Variants in LMOD3 observed in about 807,000 individuals in gnomAD.
The protein encoded by LMOD3 is leiomodin 3, also known as leiomodin-3.
Under a neutral mutation model 41.8 loss-of-function variants are expected in LMOD3, and 31 were observed. The ratio of observed to expected loss-of-function variants is 0.74; its 90% CI spans 0.56 to 1.00. The LOEUF (loss-of-function observed/expected upper bound fraction) is 1.00, where lower values mean the gene tolerates loss of function less well. LMOD3 is among the 50% of genes least tolerant of loss of function. The probability of loss-of-function intolerance (pLI) is 0.00; values close to 1 mark genes in which losing one functional copy is unlikely to be tolerated. For synonymous variants in LMOD3, 292 were observed against 241.9 expected (o/e 1.21, Z -1.92); for missense variants, 755 against 679.5 (o/e 1.11, Z -1.23).
chr3:69,116,966 C>T (rs1575876926), intron 2 of LMOD3, among the ~76,000 whole-genome samples: 2 of 152,310 alleles, frequency 1.3e-5, no homozygotes, highest in South Asian at 2.1e-4. Flanking sequence ...TTTCAGACTG[C>T]TCTTTTCTGA....
chr3:69,118,435 T>C (rs988152982), intron 2 of LMOD3, among the ~76,000 whole-genome samples: 8 of 152,150 alleles, frequency 5.3e-5, no homozygotes, highest in African/African-American at 1.7e-4. Flanking sequence ...ATATAACAAC[T>C]CCAGCCTATA....
Position 69,122,507 on chromosome 3 carries a change from TGA to T in LMOD3, c.-123_-122del. The T allele has an allele frequency of 1.3e-6, 1 of 758,102 alleles. No homozygotes were observed. The highest frequency in any genetic ancestry group is 2.0e-5 in the South Asian group (1 of 50,106). The allele number at this position is 758,102 out of a possible 1,614,324, so 47.0% of individuals were successfully genotyped here. On this transcript the variant is annotated 5_prime_UTR_variant, in exon 1 of 3. Transcript: ENST00000420581. ...CGAGTGTCCCAAGTTAACACACCCT[TGA>T]GATATTTTTTTTTTTTTCCCAGGAA...
In LMOD3 at chr3:69,122,134, G is replaced by T. The variant is rs80113271; in HGVS notation, c.253C>A (p.Leu85Met). 1.6e-3 allele frequency: 2,575 copies of T among 1,612,662 alleles called. 31 individuals are homozygous for T. In the African/African-American group the frequency reaches 0.031, roughly 19 times the overall value. The change falls in exon 1 of 3, where the codon CTG (leucine) becomes ATG (methionine). Residue 85 changes from leucine to methionine, a missense_variant. Coordinates refer to ENST00000420581, the MANE Select transcript of LMOD3 (RefSeq NM_198271.5). ...GTGACAGGAACTCGTTCCTCTTCCA[G>T]CATGCGCCTGGATGCCTTTTCCCAA... ...MYWEKASRRM[L>M]EEERVPVTFV...
At position 69,107,586 on chromosome 3, in the gene LMOD3, C is replaced by G. The variant is rs1336211065; in HGVS notation, c.*1509G>C. On this transcript the variant is annotated 3_prime_UTR_variant, in exon 3 of 3. Transcript: ENST00000420581. ...CTGCCTCCCCAGTTCAAGCAATTCT[C>G]CTGCCTCAGCCTCCCGAGTAGCTGG... 6.8e-6 allele frequency: 1 copy of G among 146,620 alleles called. No individual in the cohort carries two copies. The highest frequency in any genetic ancestry group is 7.0e-5 in the Admixed American group (1 of 14,186). 9.1% of individuals were successfully genotyped at this position (146,620 alleles called of 1,614,324 possible).
rs2092330289 is a variant in LMOD3, at chr3:69,107,824, A to G, written c.*1271T>C. The G allele has an allele frequency of 1.3e-5, 2 of 152,036 alleles. No homozygotes were observed. Among genetic ancestry groups the G allele is most frequent in the African/African-American group, 4.8e-5 (2 of 41,402 alleles). The allele number at this position is 152,036 out of a possible 1,614,324, so 9.4% of individuals were successfully genotyped here. A position where few individuals can be genotyped will look rare whatever the true frequency, so the allele number is the denominator to read the frequency against. On this transcript the variant is annotated 3_prime_UTR_variant, in exon 3 of 3. Transcript: ENST00000420581. ...TAGGGTTCACACTACTTCTATTATT[A>G]CAAAAATCTCAAATTCTATGCACCT...
At chr3:69,117,833 G>GTTTTT (rs374336943) in intron 2 of LMOD3, among the ~76,000 whole-genome samples, 56 of 132,142 alleles carry the variant, frequency 4.2e-4, no homozygotes, top group East Asian at 2.9e-3. Context: ...AATTTGGGTG[G>GTTTTT]TTTTTTTTTT....
rs185365776 is a variant in LMOD3 at position 69,108,287 on chromosome 3, C to T, written c.*808G>A. The T allele has an allele frequency of 1.3e-5, 2 of 152,112 alleles. No homozygotes were observed. The highest frequency in any genetic ancestry group is 1.3e-4 in the Admixed American group (2 of 15,270). 9.4% of individuals were successfully genotyped at this position (152,112 alleles called of 1,614,324 possible). A position where few individuals can be genotyped will look rare whatever the true frequency, so the allele number is the denominator to read the frequency against. On this transcript the variant is annotated 3_prime_UTR_variant, in exon 3 of 3. Coordinates refer to ENST00000420581, the MANE Select transcript of LMOD3 (RefSeq NM_198271.5). ...GCCAAAACCAAAAGCTTGTCAATAA[C>T]TATATTATGTAAAACTTCTTTTCTA...
chr3:69,112,006 A>T (rs1201475265), intron 2 of LMOD3, among the ~76,000 whole-genome samples: 1 of 152,260 alleles, frequency 6.6e-6, no homozygotes, highest in Non-Finnish European at 1.5e-5. Flanking sequence ...TTGCAAGAAA[A>T]GGCAGGCACA....
chr3:69,107,456 T>TC lies in LMOD3; in HGVS notation c.*1638_*1639insG, dbSNP rs2107518305. ...GAAGAGAGAAAAGGCACCAAAGGTT[T>TC]TTTTTTTTTTTTTTTTTTTTTTTTT... On this transcript the variant is annotated 3_prime_UTR_variant, in exon 3 of 3. Coordinates refer to ENST00000420581, the MANE Select transcript of LMOD3 (RefSeq NM_198271.5). 15 of 63,364 alleles carry TC rather than the reference T, an allele frequency of 2.4e-4. No homozygotes were observed. The highest frequency in any genetic ancestry group is 1.8e-3 in the African/African-American group (15 of 8,558). 3.9% of individuals were successfully genotyped at this position (63,364 alleles called of 1,614,324 possible). A position where few individuals can be genotyped will look rare whatever the true frequency, so the allele number is the denominator to read the frequency against.
In LMOD3 at chr3:69,109,120, A is replaced by G; in HGVS notation, c.1658T>C (p.Val553Ala). The G allele has an allele frequency of 6.2e-7, 1 of 1,602,504 alleles. No individual in the cohort carries two copies. The highest frequency in any genetic ancestry group is 8.5e-7 in the Non-Finnish European group (1 of 1,174,304). ...RHSSVAYLKP[V>A]QLPKELA is the part of the protein sequence containing the mutation. ...TTACGCCAGTTCTTTTGGCAGTTGCACCTGCGATTTAAGCATTTGAGGAAA... is the reference window on the plus strand; with the variant it reads ...TTACGCCAGTTCTTTTGGCAGTTGCGCCTGCGATTTAAGCATTTGAGGAAA... The change falls in exon 3 of 3, where the codon GTG (valine) becomes GCG (alanine). Residue 553 changes from valine to alanine, a missense_variant and splice_region_variant. Transcript: ENST00000420581.
At position 69,118,919 on chromosome 3, in the gene LMOD3, C is replaced by A. The variant is rs766641333; in HGVS notation, c.1436G>T (p.Arg479Met). Residue 479 changes from arginine to methionine, a missense_variant, in exon 2 of 3, where the codon AGG becomes ATG. Transcript: ENST00000420581. ...CACCCGGAAGGAGTCAGGGTCTGTC[C>A]TGTACTTCGGGGCCTGCGATGGCTT... ...MKKPSQAPKY[R>M]TDPDSFRVVK... 1 of 1,611,942 alleles carries A rather than the reference C, an allele frequency of 6.2e-7. No homozygotes were observed. The highest frequency in any genetic ancestry group is 1.1e-5 in the South Asian group (1 of 90,858).
At position 69,106,825 on chromosome 3, in the gene LMOD3, T is replaced by C. The variant is rs1379697877; in HGVS notation, c.*2270A>G. 6.6e-6 allele frequency: 1 copy of C among 151,166 alleles called. No homozygotes were observed. Among genetic ancestry groups the C allele is most frequent in the African/African-American group, 2.4e-5 (1 of 41,036 alleles). The allele number at this position is 151,166 out of a possible 1,614,324, so 9.4% of individuals were successfully genotyped here. A position where few individuals can be genotyped will look rare whatever the true frequency, so the allele number is the denominator to read the frequency against. On this transcript the variant is annotated 3_prime_UTR_variant, in exon 3 of 3. Coordinates refer to ENST00000420581, the MANE Select transcript of LMOD3 (RefSeq NM_198271.5). ...CTCCTGCCTCCCAAGTAGCTGGGAT[T>C]ACAGGCATGAGCTACCATGCCTGGC...
In LMOD3 at chr3:69,119,420, A is replaced by T. The variant is rs2092395281; in HGVS notation, c.935T>A (p.Ile312Asn). 2.5e-6 allele frequency: 4 copies of T among 1,613,854 alleles called. No individual in the cohort carries two copies. The highest frequency in any genetic ancestry group is 1.7e-5 in the Admixed American group (1 of 59,994). ...LANMLRENRS[I>N]TTLNIESNFI... ...ATTGGACTCGATGTTGAGAGTGGTGATGCTTCTATTTTCACGCAACATGTT... is the reference window on the plus strand; with the variant it reads ...ATTGGACTCGATGTTGAGAGTGGTGTTGCTTCTATTTTCACGCAACATGTT... Residue 312 changes from isoleucine (I) to asparagine (N), a missense_variant, in exon 2 of 3, where the codon ATC becomes AAC. Physicochemically the swap from Ile to Asn is moderately radical, Grantham distance 149. Coordinates refer to ENST00000420581, the MANE Select transcript of LMOD3 (RefSeq NM_198271.5).
chr3:69,118,982 T>TG lies in LMOD3; in HGVS notation c.1372dup (p.Gln458ProfsTer6). 1.2e-6 allele frequency: 2 copies of TG among 1,613,382 alleles called. No homozygotes were observed. Among genetic ancestry groups the TG allele is most frequent in the South Asian group, 2.2e-5 (2 of 91,026 alleles). ...ACTGCGTTGACTAAAGGGGACATTT[T>TG]GGGGGTTGGGAGGCCGAGGTGGCGG... is the stretch of plus-strand genomic sequence containing the variant. On this transcript the variant is annotated frameshift_variant, in exon 2 of 3. Coordinates refer to ENST00000420581, the MANE Select transcript of LMOD3 (RefSeq NM_198271.5). LOFTEE classifies it high-confidence loss of function.
intron 2 of LMOD3, among the ~76,000 whole-genome samples, chr3:69,112,820 C>T (rs916266860): frequency 2.0e-5 from 3 of 152,162 alleles, no homozygotes; most frequent in African/African-American, 4.8e-5. Context: ...TGTCAGTGGA[C>T]TCAGTAATCT....
At chr3:69,116,902 G>C (rs1015696079) in intron 2 of LMOD3, among the ~76,000 whole-genome samples, 1 of 152,188 alleles carries the variant, frequency 6.6e-6, no homozygotes, top group African/African-American at 2.4e-5. Flanking sequence ...CTTCTACTCC[G>C]AACTTACATG....
intron 2 of LMOD3, among the ~76,000 whole-genome samples, chr3:69,118,276 C>G (rs2092386201): frequency 6.6e-6 from 1 of 152,138 alleles, no homozygotes; most frequent in Non-Finnish European, 1.5e-5. Context: ...AGACTCAGAA[C>G]CGGGTTTCAA....
rs748959851 is a variant in LMOD3, at chr3:69,118,951, C to T, written c.1404G>A (p.Met468Ile). The T allele has an allele frequency of 3.7e-6, 6 of 1,612,642 alleles. No individual in the cohort carries two copies. The highest frequency in any genetic ancestry group is 5.1e-6 in the Non-Finnish European group (6 of 1,179,666). ...TCGGGGCCTGCGATGGCTTTTTCAT[C>T]ATTTCACTGCGTTGACTAAAGGGGA... is the stretch of plus-strand genomic sequence containing the variant. ...QNVPFSQRSE[M>I]MKKPSQAPKY... Residue 468 changes from methionine to isoleucine, a missense_variant, in exon 2 of 3, where the codon ATG (methionine) becomes ATA (isoleucine). Transcript: ENST00000420581.
Position 69,118,937 on chromosome 3 carries a change from G to A in LMOD3, c.1418C>T (p.Ser473Leu). ...GTCTGTCCTGTACTTCGGGGCCTGC[G>A]ATGGCTTTTTCATCATTTCACTGCG... ...SQRSEMMKKP[S>L]QAPKYRTDPD... Residue 473 changes from serine to leucine, a missense_variant, in exon 2 of 3, where the codon TCG (serine) becomes TTG (leucine). Physicochemically the swap from Ser to Leu is moderately radical, Grantham distance 145. Coordinates refer to ENST00000420581, the MANE Select transcript of LMOD3 (RefSeq NM_198271.5). The A allele has an allele frequency of 1.2e-6, 2 of 1,612,672 alleles. No individual in the cohort carries two copies. Among genetic ancestry groups the A allele is most frequent in the Non-Finnish European group, 1.7e-6 (2 of 1,179,672 alleles).
Sources: gnomAD v4.1 joint callset for allele counts (sites outside exome capture counted in the v4.1 genomes callset) on GRCh38, gnomAD v4.1.1 for gene constraint, MANE v1.5 for transcripts, NCBI Gene and HGNC (gene_info 2026-07-23, HGNC 2026-07-21) for gene names.